Variants in LRBA observed in about 807,000 individuals in gnomAD.
The protein encoded by LRBA is lipopolysaccharide-responsive and beige-like anchor protein.
In LRBA, 176 loss-of-function variants were observed where a neutral mutation model predicts 330.0. The ratio of observed to expected loss-of-function variants is 0.53; its 90% CI spans 0.47 to 0.60. LRBA has a LOEUF of 0.60. Ranked by LOEUF, LRBA falls within the 20% of genes least tolerant of loss-of-function variation. LRBA has a pLI of 0.00. For missense variants in LRBA, 3,259 were observed against 3,444.8 expected (o/e 0.95, Z 1.35); for synonymous variants, 1,230 against 1,193.0 (o/e 1.03, Z -0.64).
intron 47 of LRBA, among the ~76,000 whole-genome samples, chr4:150,365,607 C>T (rs1739347327): frequency 6.6e-6 from 1 of 151,962 alleles, no homozygotes; most frequent in Non-Finnish European, 1.5e-5. Flanking sequence ...GCCTGACCAA[C>T]ATGGAGAAAC....
rs532933746 is a variant in LRBA, at chr4:150,303,602, C to T, written c.7850-810G>A. The stretch of plus-strand genomic sequence containing the variant: ...TATTTATTTTTTTGAGGCGGAGTCT[C>T]GTTCTGTCGCCCAGGCTGGAGTGTA... On this transcript the variant is annotated intron_variant, in intron 52 of 56. Transcript: ENST00000651943. Among the ~76,000 whole-genome samples, 57 of 151,246 alleles carry T rather than the reference C, an allele frequency of 3.8e-4. 1 individual carries two copies. The highest frequency in any genetic ancestry group is 4.6e-4 in the Non-Finnish European group (31 of 67,788).
rs1475225118 is a variant in LRBA at position 150,366,072 on chromosome 4, T to C, written c.7195-15913A>G. 2.0e-5 allele frequency among the ~76,000 whole-genome samples: 3 copies of C among 152,218 alleles called. No homozygotes were observed. In the East Asian group the frequency reaches 5.8e-4, roughly 29 times the overall value. On this transcript the variant is annotated intron_variant, in intron 47 of 56. Coordinates refer to ENST00000651943, the MANE Select transcript of LRBA (RefSeq NM_001364905.1). ...AAAAAATGTATAGCACAAACATTAT[T>C]TGTTTTTGTGATTTTAATATCTCTT...
chr4:150,642,226 T>C (rs530034393), intron 37 of LRBA, among the ~76,000 whole-genome samples: 12 of 151,984 alleles, frequency 7.9e-5, no homozygotes, highest in African/African-American at 2.2e-4. Flanking sequence ...TATTTCAAAG[T>C]TGTGGTTTAT....
At chr4:150,741,913 A>G (rs1732030865) in intron 35 of LRBA, among the ~76,000 whole-genome samples, 1 of 152,030 alleles carries the variant, frequency 6.6e-6, no homozygotes, top group Admixed American at 6.6e-5. Flanking sequence ...GATAATGGCC[A>G]CGGAGTTCTA....
chr4:150,690,258 C>G (rs1783999298), intron 36 of LRBA, among the ~76,000 whole-genome samples: 1 of 151,968 alleles, frequency 6.6e-6, no homozygotes, highest in African/African-American at 2.4e-5. Context: ...AATCCCAGCA[C>G]TTTGGGAGGC....
At chr4:150,312,041 T>C (rs1413123186) in intron 51 of LRBA, among the ~76,000 whole-genome samples, 1 of 152,184 alleles carries the variant, frequency 6.6e-6, no homozygotes, top group Non-Finnish European at 1.5e-5. Context: ...ATGTGACTTT[T>C]GCTCCTATGA....
Position 150,896,455 on chromosome 4 carries a change from T to C in LRBA, c.2006A>G (p.Asp669Gly). ...LMFIKQLVMK[D>G]SGVKEDELQA... ...TAATTCATCTTCCTTTACTCCAGAATCCTTCAAAAACATAATACAGGTATC... is the reference window on the plus strand; with the variant it reads ...TAATTCATCTTCCTTTACTCCAGAACCCTTCAAAAACATAATACAGGTATC... Residue 669 changes from aspartate (D) to glycine (G), a missense_variant and splice_region_variant, in exon 16 of 57, where the codon GAT becomes GGT. Physicochemically the swap from Asp to Gly is moderately conservative, Grantham distance 94 (BLOSUM62 -1). Transcript: ENST00000651943. 1 of 1,522,242 alleles carries C rather than the reference T, an allele frequency of 6.6e-7. No individual in the cohort carries two copies. Among genetic ancestry groups the C allele is most frequent in the Non-Finnish European group, 9.0e-7 (1 of 1,108,916 alleles). 94.3% of individuals were successfully genotyped at this position (1,522,242 alleles called of 1,614,324 possible).
intron 28 of LRBA, among the ~76,000 whole-genome samples, chr4:150,834,354 G>T (rs1400957711): frequency 1.3e-5 from 2 of 152,082 alleles, no homozygotes; most frequent in Non-Finnish European, 2.9e-5. Context: ...TAAATAATAA[G>T]AAGTATTTCT....
At chr4:150,484,783 T>G (rs1286873130) in intron 42 of LRBA, among the ~76,000 whole-genome samples, 1 of 151,922 alleles carries the variant, frequency 6.6e-6, no homozygotes, top group African/African-American at 2.4e-5. Context: ...TAAAATCATT[T>G]AATGCTATAA....
chr4:150,657,780 G>A (rs1780361630), intron 37 of LRBA, among the ~76,000 whole-genome samples: 1 of 151,968 alleles, frequency 6.6e-6, no homozygotes, highest in African/African-American at 2.4e-5. Flanking sequence ...TTTACTATGT[G>A]CCTGACACTA....
At chr4:150,300,608 A>AT (rs201381189) in intron 53 of LRBA, among the ~76,000 whole-genome samples, 1,842 of 150,190 alleles carry the variant, frequency 0.012, 31 homozygotes, top group African/African-American at 0.041. Flanking sequence ...TGGAACTTAG[A>AT]TTTTTTTTTT....
chr4:150,831,794 A>G, intron 29 of LRBA, 23 bp downstream of exon 29: 1 of 1,553,688 alleles, frequency 6.4e-7, no homozygotes. Context: ...TTTGGTACAA[A>G]GGAATAGAAA....
intron 37 of LRBA, among the ~76,000 whole-genome samples, chr4:150,626,861 T>C (rs1581852760): frequency 6.6e-6 from 1 of 152,182 alleles, no homozygotes; most frequent in South Asian, 2.1e-4. Context: ...TAATTACTTA[T>C]ATTTGATTCA....
chr4:150,366,964 G>A (rs915588395), intron 47 of LRBA, among the ~76,000 whole-genome samples: 26 of 152,106 alleles, frequency 1.7e-4, no homozygotes, highest in Non-Finnish European at 3.5e-4. Context: ...CATTTTGAAA[G>A]GGGAAGAAAA....
At chr4:150,960,509 A>G (rs548871967) in intron 2 of LRBA, among the ~76,000 whole-genome samples, 3 of 149,308 alleles carry the variant, frequency 2.0e-5, no homozygotes, top group Admixed American at 2.0e-4. Flanking sequence ...TAAAACTAAG[A>G]AAAACTAAAT....
intron 37 of LRBA, among the ~76,000 whole-genome samples, chr4:150,639,765 ATATATATATATATATATG>A (rs1415274312): frequency 0.078 from 415 of 5,304 alleles, 39 homozygotes; most frequent in African/African-American, 0.22. Context: ...ATATATATAT[ATATATATATATATATATG>A]TGTGTGTGTA....
chr4:150,921,738 T>C (rs537516319), intron 4 of LRBA, among the ~76,000 whole-genome samples: 1 of 152,092 alleles, frequency 6.6e-6, no homozygotes, highest in Admixed American at 6.5e-5. Flanking sequence ...AATTTTTTTT[T>C]CTTTCGAGAT....
At chr4:150,669,454 T>C (rs1781853111) in intron 37 of LRBA, among the ~76,000 whole-genome samples, 1 of 152,226 alleles carries the variant, frequency 6.6e-6, no homozygotes, top group Admixed American at 6.5e-5. Flanking sequence ...GTCTTCTTAG[T>C]CTCTTCAAAT....
intron 40 of LRBA, among the ~76,000 whole-genome samples, chr4:150,541,565 T>A (rs1046563175): frequency 2.0e-5 from 3 of 150,420 alleles, no homozygotes; most frequent in Non-Finnish European, 2.9e-5. Flanking sequence ...AAAAATAGAA[T>A]AAATGATTTT....
Sources: gnomAD v4.1 joint callset for allele counts (sites outside exome capture counted in the v4.1 genomes callset) on GRCh38, gnomAD v4.1.1 for gene constraint, MANE v1.5 for transcripts, NCBI Gene and HGNC (gene_info 2026-07-23, HGNC 2026-07-21) for gene names.